LIG1: variants seen among roughly 807,000 people sequenced by gnomAD.
LIG1 encodes DNA ligase 1.
LIG1 carries 70 observed loss-of-function variants against 115.7 expected under a neutral mutation model. That is an observed-to-expected ratio of 0.60 (90% CI 0.50 to 0.74). LIG1 has a LOEUF of 0.74. Among genes scored for constraint, LIG1 ranks in the 30% least tolerant of loss-of-function variants. LIG1 has a pLI of 0.00. For synonymous variants in LIG1, 487 were observed against 495.3 expected (o/e 0.98, Z 0.22); for missense variants, 1,115 against 1,225.6 (o/e 0.91, Z 1.35).
chr19:48,159,632 A>T (rs1036296574), intron 4 of LIG1, among the ~76,000 whole-genome samples: 5 of 152,240 alleles, frequency 3.3e-5, no homozygotes, highest in Non-Finnish European at 7.3e-5. Context: ...AAAGTGGAAG[A>T]GGGTGGCAGG....
At chr19:48,141,562 G>GT (rs2034758955) in intron 11 of LIG1, among the ~76,000 whole-genome samples, 1 of 152,210 alleles carries the variant, frequency 6.6e-6, no homozygotes, top group Admixed American at 6.5e-5. Context: ...CACAGAGCGA[G>GT]TAAGTATGAA....
chr19:48,165,631 A>C lies in LIG1; in HGVS notation c.-57-8T>G. On this transcript the variant is annotated splice_polypyrimidine_tract_variant and splice_region_variant and intron_variant, in intron 1 of 27. Coordinates refer to ENST00000263274, the MANE Select transcript of LIG1 (RefSeq NM_000234.3). ...TTCGTCTGTCAGCTGCTCCTGGAACAGAAATCCAAACACTTGTTGAGGTGA... is the reference window on the plus strand; with the variant it reads ...TTCGTCTGTCAGCTGCTCCTGGAACCGAAATCCAAACACTTGTTGAGGTGA... 6.2e-7 allele frequency: 1 copy of C among 1,611,966 alleles called. No individual in the cohort carries two copies. Among genetic ancestry groups the C allele is most frequent in the Non-Finnish European group, 8.5e-7 (1 of 1,178,076 alleles).
At position 48,139,954 on chromosome 19, in the gene LIG1, A is replaced by G. The variant is rs771450309; in HGVS notation, c.1087+17T>C. Reference sequence around the variant, plus strand: ...AGCTCCTGTCCTTCTGGTCCCTCCAACCACAGTCCCCCTTACCTGTGGCCT... The same window carrying G: ...AGCTCCTGTCCTTCTGGTCCCTCCAGCCACAGTCCCCCTTACCTGTGGCCT... On this transcript the variant is annotated intron_variant, in intron 12 of 27. Transcript: ENST00000263274. The G allele has an allele frequency of 6.2e-7, 1 of 1,613,746 alleles. No individual in the cohort carries two copies. Among genetic ancestry groups the G allele is most frequent in the Admixed American group, 1.7e-5 (1 of 60,014 alleles).
At chr19:48,139,849 C>T in intron 12 of LIG1, 122 bp downstream of exon 12, 1 of 1,176,660 alleles carries the variant, frequency 8.5e-7, no homozygotes, top group Non-Finnish European at 1.3e-6. Context: ...TCCTCCCTCT[C>T]AGCCTTCTCC....
At chr19:48,164,277 T>C (rs1450463246) in intron 2 of LIG1, among the ~76,000 whole-genome samples, 1 of 152,020 alleles carries the variant, frequency 6.6e-6, no homozygotes, top group Admixed American at 6.6e-5. Context: ...GGAGAGACAA[T>C]CCCCAGATTC....
intron 12 of LIG1, among the ~76,000 whole-genome samples, chr19:48,139,413 G>C (rs1231698256): frequency 6.6e-6 from 1 of 152,042 alleles, no homozygotes; most frequent in African/African-American, 2.4e-5. Flanking sequence ...TCTACAGCTG[G>C]GGTCCAGCTC....
intron 16 of LIG1, among the ~76,000 whole-genome samples, chr19:48,134,505 A>G (rs1464037913): frequency 2.0e-5 from 3 of 152,154 alleles, no homozygotes; most frequent in African/African-American, 4.8e-5. Context: ...TAAAAATATA[A>G]AAGTTAGCTG....
At chr19:48,116,756 G>T (rs2032869156) in intron 26 of LIG1, among the ~76,000 whole-genome samples, 1 of 152,182 alleles carries the variant, frequency 6.6e-6, no homozygotes, top group South Asian at 2.1e-4. Context: ...AGCAAGGGCT[G>T]GATACACACC....
intron 4 of LIG1, 154 bp downstream of exon 4, chr19:48,161,218 C>T (rs2036157258): frequency 9.0e-7 from 1 of 1,108,868 alleles, no homozygotes; most frequent in Non-Finnish European, 1.4e-6. Flanking sequence ...CAATTAGGAC[C>T]AGGTTGTGTC....
At chr19:48,116,191 C>T (rs1011325471) in intron 26 of LIG1, 1 of 530,468 alleles carries the variant, frequency 1.9e-6, no homozygotes, top group Non-Finnish European at 3.5e-6. Flanking sequence ...CCCCTGTAAT[C>T]CCAGCACTTT....
chr19:48,151,367 C>A, intron 6 of LIG1, 28 bp from the exon 7 acceptor site: 1 of 1,386,108 alleles, frequency 7.2e-7, no homozygotes, highest in Non-Finnish European at 1.0e-6. Context: ...GGTCAGATGG[C>A]AAAAAAATCC....
intron 11 of LIG1, among the ~76,000 whole-genome samples, chr19:48,143,195 T>G (rs1037393192): frequency 4.6e-5 from 7 of 152,164 alleles, no homozygotes; most frequent in African/African-American, 1.7e-4. Flanking sequence ...TTTGTGAATA[T>G]GGAGACATGT....
intron 3 of LIG1, among the ~76,000 whole-genome samples, chr19:48,161,746 G>A (rs890042252): frequency 4.6e-5 from 7 of 151,494 alleles, no homozygotes; most frequent in Non-Finnish European, 1.0e-4. Context: ...CAGAGTGCCT[G>A]CCCTGTGATG....
chr19:48,117,878 C>G, intron 25 of LIG1, 97 bp from the exon 26 acceptor site: 8 of 1,301,730 alleles, frequency 6.1e-6, no homozygotes, highest in Non-Finnish European at 8.8e-6. Context: ...GGGAAAAAAA[C>G]AGGCACCCCC....
chr19:48,124,005 G>A (rs156633), intron 21 of LIG1, among the ~76,000 whole-genome samples: 97,347 of 152,138 alleles, frequency 0.64, 32,677 homozygotes, highest in East Asian at 0.87. Context: ...GGTGATCTGA[G>A]TGTTTTTAAA....
rs554801220 is a variant in LIG1, at chr19:48,132,874, C to T, written c.1725+108G>A. 493 of 794,718 alleles carry T rather than the reference C, an allele frequency of 6.2e-4. 1 individual carries two copies. The highest frequency in any genetic ancestry group is 1.7e-3 in the South Asian group (123 of 74,538). The allele number at this position is 794,718 out of a possible 1,614,324, so 49.2% of individuals were successfully genotyped here. Reference sequence around the variant, plus strand: ...AAGCCCAGAGAGATGAGCGAGGGCTCGGCAGTCTGTGGCGCAGGCCGGCTT... The same window carrying T: ...AAGCCCAGAGAGATGAGCGAGGGCTTGGCAGTCTGTGGCGCAGGCCGGCTT... On this transcript the variant is annotated intron_variant, in intron 18 of 27. Coordinates refer to ENST00000263274, the MANE Select transcript of LIG1 (RefSeq NM_000234.3).
chr19:48,127,059 T>C, intron 21 of LIG1: 1 of 574,726 alleles, frequency 1.7e-6, no homozygotes, highest in South Asian at 2.0e-5. Flanking sequence ...CTCACGCCAA[T>C]GTGGAGTTGG....
intron 11 of LIG1, among the ~76,000 whole-genome samples, chr19:48,140,615 C>G (rs935320640): frequency 6.6e-6 from 1 of 152,142 alleles, no homozygotes; most frequent in African/African-American, 2.4e-5. Context: ...CTGGCTTCCC[C>G]GATTGCTCCT....
At chr19:48,155,895 T>C (rs927167011) in intron 5 of LIG1, among the ~76,000 whole-genome samples, 2 of 152,180 alleles carry the variant, frequency 1.3e-5, no homozygotes, top group African/African-American at 4.8e-5. Context: ...GAATCACATA[T>C]TAGCTTTCAA....
Sources: gnomAD v4.1 joint callset for allele counts (sites outside exome capture counted in the v4.1 genomes callset) on GRCh38, gnomAD v4.1.1 for gene constraint, MANE v1.5 for transcripts, NCBI Gene and HGNC (gene_info 2026-07-23, HGNC 2026-07-21) for gene names.